The following SIPA1L3 variants were observed in gnomAD, a reference collection of about 807,000 sequenced individuals.
The protein encoded by SIPA1L3 is signal-induced proliferation-associated 1-like protein 3.
In SIPA1L3, 59 loss-of-function variants were observed where a neutral mutation model predicts 150.1. The ratio of observed to expected loss-of-function variants is 0.39; its 90% CI spans 0.32 to 0.49. The LOEUF (loss-of-function observed/expected upper bound fraction) is 0.49, where lower values mean the gene tolerates loss of function less well. Among genes scored for constraint, SIPA1L3 ranks in the 20% least tolerant of loss-of-function variants. SIPA1L3 has a pLI of 0.86. For synonymous variants in SIPA1L3, 1,070 were observed against 1,077.6 expected, an observed-to-expected ratio of 0.99 and a Z score of 0.14; for missense variants, 2,211 against 2,489.5, an observed-to-expected ratio of 0.89 and a Z score of 2.38.
chr19:38,070,566 T>C (rs1969694291), intron 2 of SIPA1L3, among the ~76,000 whole-genome samples: 2 of 152,328 alleles, frequency 1.3e-5, no homozygotes, highest in African/African-American at 2.4e-5. Context: ...TGTTTGGTGC[T>C]TGTAGAATGA....
intron 1 of SIPA1L3, among the ~76,000 whole-genome samples, chr19:37,951,106 G>A (rs1043106719): frequency 6.6e-6 from 1 of 152,236 alleles, no homozygotes; most frequent in African/African-American, 2.4e-5. Flanking sequence ...TTTACCCCAG[G>A]CACTGGGGAT....
chr19:38,194,342 C>T (rs1972873369), intron 18 of SIPA1L3, among the ~76,000 whole-genome samples: 1 of 151,940 alleles, frequency 6.6e-6, no homozygotes, highest in South Asian at 2.1e-4. Flanking sequence ...CCAGATGCAC[C>T]CTGTAACCCC....
rs552189465 is a variant in SIPA1L3, at chr19:38,018,371, C to T, written c.-378-10718C>T. 5.3e-5 allele frequency among the ~76,000 whole-genome samples: 8 copies of T among 152,082 alleles called. No individual in the cohort carries two copies. In the South Asian group the frequency reaches 1.5e-3, roughly 28 times the overall value. On this transcript the variant is annotated intron_variant, in intron 1 of 21. Transcript: ENST00000222345. ...TAGAGACGGGGTTTCACCATGTTGG[C>T]CAGGCTGGTCTCAAACTCCTGACCT...
At chr19:38,168,156 G>A (rs1190131355) in intron 15 of SIPA1L3, among the ~76,000 whole-genome samples, 2 of 152,190 alleles carry the variant, frequency 1.3e-5, no homozygotes, top group Non-Finnish European at 2.9e-5. Context: ...GGAGGCCGAG[G>A]TGGGCGGATC....
chr19:38,114,849 G>C (rs1387371742), intron 8 of SIPA1L3, among the ~76,000 whole-genome samples: 1 of 152,204 alleles, frequency 6.6e-6, no homozygotes, highest in African/African-American at 2.4e-5. Flanking sequence ...TGGCCTGATC[G>C]GCCGGGGTCG....
intron 1 of SIPA1L3, among the ~76,000 whole-genome samples, chr19:38,015,545 G>A (rs747556701): frequency 5.3e-5 from 8 of 151,882 alleles, no homozygotes; most frequent in Non-Finnish European, 1.0e-4. Context: ...GAAACATGGC[G>A]AAACTCTGTC....
At chr19:38,093,456 G>T (rs1196587873) in intron 4 of SIPA1L3, among the ~76,000 whole-genome samples, 2 of 152,028 alleles carry the variant, frequency 1.3e-5, no homozygotes, top group Non-Finnish European at 2.9e-5. Context: ...CTGTGTTGTG[G>T]GCTCGGTGAG....
intron 1 of SIPA1L3, among the ~76,000 whole-genome samples, chr19:38,025,085 C>A (rs1311444361): frequency 1.3e-5 from 2 of 152,210 alleles, no homozygotes; most frequent in Non-Finnish European, 2.9e-5. Flanking sequence ...GTCCCCCTGC[C>A]TTACCACCCA....
intron 1 of SIPA1L3, among the ~76,000 whole-genome samples, chr19:37,942,040 A>T (rs2046663868): frequency 6.6e-6 from 1 of 152,156 alleles, no homozygotes; most frequent in Non-Finnish European, 1.5e-5. Context: ...ATTACAACAC[A>T]TTCCTCCTGG....
intron 1 of SIPA1L3, among the ~76,000 whole-genome samples, chr19:38,025,714 G>A (rs185753122): frequency 6.6e-6 from 1 of 152,328 alleles, no homozygotes; most frequent in Admixed American, 6.5e-5. Context: ...TTTATTGCAG[G>A]GGTTTTCTGA....
At chr19:38,159,178 C>G (rs528861403) in intron 13 of SIPA1L3, among the ~76,000 whole-genome samples, 1 of 152,222 alleles carries the variant, frequency 6.6e-6, no homozygotes, top group African/African-American at 2.4e-5. Context: ...AAGCCACACA[C>G]GCGGTGACAC....
intron 8 of SIPA1L3, among the ~76,000 whole-genome samples, chr19:38,114,466 G>A (rs1225594543): frequency 6.6e-6 from 1 of 150,796 alleles, no homozygotes; most frequent in African/African-American, 2.4e-5. Context: ...CTTCATCTCT[G>A]TAAAGTGCAA....
chr19:38,182,767 G>GCCCGCCAGATCCA, intron 16 of SIPA1L3, 27 bp downstream of exon 16: 1 of 1,560,024 alleles, frequency 6.4e-7, no homozygotes, highest in South Asian at 1.2e-5. Context: ...CCAGCGAGGC[G>GCCCGCCAGATCCA]CCCGCCAGAT....
rs183088514 is a variant in SIPA1L3 at position 37,995,043 on chromosome 19, A to G, written c.-378-34046A>G. On this transcript the variant is annotated intron_variant, in intron 1 of 21. Transcript: ENST00000222345. ...CAGCCTGAGGATCAGATCCTCAGAC[A>G]CGGCATCCTGAGCTAGGAGGAGAGG... Among the ~76,000 whole-genome samples the G allele has an allele frequency of 1.1e-4, 17 of 152,314 alleles. No individual in the cohort carries two copies. In the East Asian group the frequency reaches 2.5e-3, roughly 22 times the overall value.
Position 38,207,614 on chromosome 19 carries a change from G to A in SIPA1L3, c.*1374G>A, listed in dbSNP as rs1973249713. 1.3e-5 allele frequency: 2 copies of A among 151,852 alleles called. No individual in the cohort carries two copies. Among genetic ancestry groups the A allele is most frequent in the South Asian group, 4.2e-4 (2 of 4,792 alleles). 9.4% of individuals were successfully genotyped at this position (151,852 alleles called of 1,614,324 possible). A position where few individuals can be genotyped will look rare whatever the true frequency, so the allele number is the denominator to read the frequency against. On this transcript the variant is annotated 3_prime_UTR_variant, in exon 22 of 22. Transcript: ENST00000222345. ...CAGGGCAGGCCGGTGCCCTTTTTGG[G>A]AGGCACCAGGCGGGGAGGAGTTGGC...
chr19:37,970,542 TCACTAAAGCCACAGTTCTTTCTTCG>T (rs1371925638), intron 1 of SIPA1L3, among the ~76,000 whole-genome samples: 1 of 152,166 alleles, frequency 6.6e-6, no homozygotes, highest in Non-Finnish European at 1.5e-5. Flanking sequence ...CGCTCTCTTC[TCACTAAAGCCACAGTTCTTTCTTCG>T]CACTAAAGCC....
chr19:38,080,318 A>G (rs924676490), intron 2 of SIPA1L3, among the ~76,000 whole-genome samples: 3 of 152,206 alleles, frequency 2.0e-5, no homozygotes, highest in Non-Finnish European at 2.9e-5. Flanking sequence ...GTTCACAGGA[A>G]ATACAGGGGG....
At chr19:38,198,974 A>G (rs1002401376) in intron 19 of SIPA1L3, among the ~76,000 whole-genome samples, 2 of 152,178 alleles carry the variant, frequency 1.3e-5, no homozygotes, top group Non-Finnish European at 2.9e-5. Flanking sequence ...TCTGGGGGAA[A>G]AAAAAAATCT....
intron 1 of SIPA1L3, among the ~76,000 whole-genome samples, chr19:38,007,204 G>A (rs534862400): frequency 1.3e-5 from 2 of 152,322 alleles, no homozygotes; most frequent in East Asian, 3.9e-4. Context: ...TGTAATCTCA[G>A]CACTTTGGGA....
Sources: allele counts gnomAD v4.1 joint callset (sites outside exome capture counted in the v4.1 genomes callset), GRCh38; gene constraint gnomAD v4.1.1; transcripts MANE v1.5; gene names NCBI Gene and HGNC (gene_info 2026-07-23, HGNC 2026-07-21).